Variants in ADGRB1 observed in about 807,000 individuals in gnomAD.
ADGRB1 encodes the protein brain-specific angiogenesis inhibitor 1.
In ADGRB1, 36 loss-of-function variants were observed where a neutral mutation model predicts 175.7. That is an observed-to-expected ratio of 0.20 (90% confidence interval 0.16 to 0.27). The LOEUF is 0.27. Ranked by LOEUF, ADGRB1 falls within the 10% of genes least tolerant of loss-of-function variation. The pLI is 1.00. For synonymous variants in ADGRB1, 1,054 were observed against 979.4 expected (o/e 1.08, Z -1.42); for missense variants, 1,731 against 2,255.3 (o/e 0.77, Z 4.71).
At chr8:142,462,858 C>T (rs1364592661) in intron 1 of ADGRB1, among the ~76,000 whole-genome samples, 2 of 152,318 alleles carry the variant, frequency 1.3e-5, no homozygotes, top group African/African-American at 2.4e-5. Context: ...GCAGAAGGAA[C>T]TTGCCAAGGT....
At chr8:142,544,186 C>G in intron 30 of ADGRB1, 34 bp from the exon 31 acceptor site, 1 of 1,545,042 alleles carries the variant, frequency 6.5e-7, no homozygotes, top group East Asian at 2.4e-5. Flanking sequence ...TCCCTCCGGG[C>G]CCCACCCCTC....
At chr8:142,488,544 G>A (rs779575226) in intron 14 of ADGRB1, 37 bp downstream of exon 14, 3 of 1,603,702 alleles carry the variant, frequency 1.9e-6, no homozygotes, top group Non-Finnish European at 2.6e-6. Context: ...ACCTTCATGG[G>A]GGACGTGGGC....
At chr8:142,502,402 GT>G (rs1842639217) in intron 17 of ADGRB1, among the ~76,000 whole-genome samples, 2 of 137,882 alleles carry the variant, frequency 1.5e-5, no homozygotes, top group Non-Finnish European at 1.6e-5. Context: ...GGTGGTGATG[GT>G]GGTGGTGGTG....
Position 142,516,770 on chromosome 8 carries a change from G to A in ADGRB1, c.2818-1368G>A, listed in dbSNP as rs181532960. 2.4e-3 allele frequency among the ~76,000 whole-genome samples: 361 copies of A among 152,174 alleles called. 3 individuals are homozygous for A. Among genetic ancestry groups the A allele is most frequent in the African/African-American group, 8.2e-3 (339 of 41,494 alleles). On this transcript the variant is annotated intron_variant, in intron 18 of 30. Transcript: ENST00000517894. ...AGGTGCGTGTGTCTGTGCATGTCAG[G>A]CGTGTGGCCTGCACCACCCCGAGGA...
chr8:142,518,773 C>T (rs1018543320), intron 19 of ADGRB1, among the ~76,000 whole-genome samples: 1 of 152,320 alleles, frequency 6.6e-6, no homozygotes, highest in African/African-American at 2.4e-5. Flanking sequence ...AGTGTGTGGA[C>T]GCGCCTCCAG....
intron 13 of ADGRB1, among the ~76,000 whole-genome samples, chr8:142,487,632 G>T (rs1425935092): frequency 6.6e-6 from 1 of 152,158 alleles, no homozygotes; most frequent in African/African-American, 2.4e-5. Flanking sequence ...CAGAACAGTG[G>T]GTCCCTGTCA....
chr8:142,494,881 G>T (rs993284677), intron 17 of ADGRB1, among the ~76,000 whole-genome samples: 1 of 151,654 alleles, frequency 6.6e-6, no homozygotes, highest in Non-Finnish European at 1.5e-5. Context: ...GGAGCAAAGC[G>T]GGGGGTGGGG....
intron 12 of ADGRB1, 43 bp downstream of exon 12, chr8:142,484,088 G>A (rs771220003): frequency 2.2e-5 from 35 of 1,561,208 alleles, no homozygotes; most frequent in East Asian, 6.8e-5. Flanking sequence ...CAGGAGGGGT[G>A]CAGGCACAGC....
Position 142,522,650 on chromosome 8 carries a change from C to A in ADGRB1, c.3185C>A (p.Ala1062Glu). Residue 1062 changes from alanine to glutamate, a missense_variant, in exon 22 of 31, where the codon GCA becomes GAA. Around this residue, in one of 8 missense-constraint regions of ADGRB1, gnomAD observed 301 missense variants for 488.4 expected, o/e 0.62. Coordinates refer to ENST00000517894, the MANE Select transcript of ADGRB1 (RefSeq NM_001702.3). ...RFLCLGWGLP[A>E]LVVAISVGFT... ...TCTGCTCCTTCTCCAGGGCTCCCTGCACTGGTTGTGGCCATTTCTGTGGGA... is the reference window on the plus strand; with the variant it reads ...TCTGCTCCTTCTCCAGGGCTCCCTGAACTGGTTGTGGCCATTTCTGTGGGA... The A allele has an allele frequency of 6.4e-7, 1 of 1,561,514 alleles. No homozygotes were observed. Among genetic ancestry groups the A allele is most frequent in the East Asian group, 2.4e-5 (1 of 42,534 alleles).
intron 24 of ADGRB1, among the ~76,000 whole-genome samples, chr8:142,531,429 G>A (rs551558694): frequency 1.3e-5 from 2 of 152,324 alleles, no homozygotes; most frequent in African/African-American, 2.4e-5. Context: ...AGGCCTCTCC[G>A]GACGCCTGAG....
At chr8:142,491,512 G>A (rs1304496305) in intron 17 of ADGRB1, among the ~76,000 whole-genome samples, 1 of 152,228 alleles carries the variant, frequency 6.6e-6, no homozygotes, top group Non-Finnish European at 1.5e-5. Flanking sequence ...TCTGTGTAAA[G>A]GCCCAAAGTG....
rs1187431914 is a variant in ADGRB1, at chr8:142,474,418, A to T, written c.785-1056A>T. Reference sequence around the variant, plus strand: ...TTGGCAAGGGCTGCATGCCCTTTCCAAGTCGCCCGACCCTGCTGCACAGGG... The same window carrying T: ...TTGGCAAGGGCTGCATGCCCTTTCCTAGTCGCCCGACCCTGCTGCACAGGG... On this transcript the variant is annotated intron_variant, in intron 2 of 30. Coordinates refer to ENST00000517894, the MANE Select transcript of ADGRB1 (RefSeq NM_001702.3). The surrounding 1 kb of genome is among the most constrained non-coding windows in gnomAD (Gnocchi z 5.8). Among the ~76,000 whole-genome samples, 1 of 152,088 alleles carries T rather than the reference A, an allele frequency of 6.6e-6. No individual in the cohort carries two copies. The highest frequency in any genetic ancestry group is 1.5e-5 in the Non-Finnish European group (1 of 67,964).
chr8:142,544,849 T>G lies in ADGRB1; in HGVS notation c.*432T>G. ...CGGGAAGCAGCCAGCTCCCCACACC[T>G]TCCAGGGCCCTAGGCCCCTCCTAGA... On this transcript the variant is annotated 3_prime_UTR_variant, in exon 31 of 31. Transcript: ENST00000517894. 1 of 154,686 alleles carries G rather than the reference T, an allele frequency of 6.5e-6. No homozygotes were observed. The highest frequency in any genetic ancestry group is 1.4e-5 in the Non-Finnish European group (1 of 69,618). The allele number at this position is 154,686 out of a possible 1,614,324, so 9.6% of individuals were successfully genotyped here.
chr8:142,496,559 G>C (rs1174872335), intron 17 of ADGRB1, among the ~76,000 whole-genome samples: 1 of 152,190 alleles, frequency 6.6e-6, no homozygotes, highest in Admixed American at 6.5e-5. Context: ...AGCTCCCTGG[G>C]TGTTTTACAC....
chr8:142,511,130 T>A lies in ADGRB1; in HGVS notation c.2817+57T>A. 6 of 1,043,856 alleles carry A rather than the reference T, an allele frequency of 5.7e-6. No individual in the cohort carries two copies. Among genetic ancestry groups the A allele is most frequent in the Non-Finnish European group, 5.8e-6 (5 of 867,548 alleles). The allele number at this position is 1,043,856 out of a possible 1,614,324, so 64.7% of individuals were successfully genotyped here. ...GCCGGGCAGGGGCGCGGGCGGGGGC[T>A]GCCGGCGGGCCTGCGGGTGGGGAGG... On this transcript the variant is annotated intron_variant, in intron 18 of 30. Coordinates refer to ENST00000517894, the MANE Select transcript of ADGRB1 (RefSeq NM_001702.3). This position sits in a 1 kb window ranked among gnomAD's most constrained non-coding sequence, Gnocchi z 4.5.
Position 142,544,628 on chromosome 8 carries a change from G to A in ADGRB1, c.*211G>A, listed in dbSNP as rs550919364. ...AGGCGGCCCGGCCAGCGGGCACAGG[G>A]CACCAGAGGCCGAAGGTGCCTCAGA... is the stretch of plus-strand genomic sequence containing the variant. On this transcript the variant is annotated 3_prime_UTR_variant, in exon 31 of 31. Coordinates refer to ENST00000517894, the MANE Select transcript of ADGRB1 (RefSeq NM_001702.3). 2.4e-5 allele frequency: 12 copies of A among 494,882 alleles called. No individual in the cohort carries two copies. Among genetic ancestry groups the A allele is most frequent in the Non-Finnish European group, 3.3e-5 (10 of 307,086 alleles). The allele number at this position is 494,882 out of a possible 1,614,324, so 30.7% of individuals were successfully genotyped here. A position where few individuals can be genotyped will look rare whatever the true frequency, so the allele number is the denominator to read the frequency against.
At position 142,455,473 on chromosome 8, in the gene ADGRB1, TG is replaced by T. The variant is rs1288104453; in HGVS notation, c.-220+5370del. On this transcript the variant is annotated intron_variant, in intron 1 of 30. Transcript: ENST00000517894. This position sits in a 1 kb window ranked among gnomAD's most constrained non-coding sequence, Gnocchi z 4.9. ...CTTCGCTGTCAGGCCCCCAACCACT[TG>T]CCTTCCTGGGAGAGGAGCATGCGGC... 6.6e-6 allele frequency among the ~76,000 whole-genome samples: 1 copy of T among 152,172 alleles called. No homozygotes were observed. Among genetic ancestry groups the T allele is most frequent in the African/African-American group, 2.4e-5 (1 of 41,450 alleles).
Position 142,464,085 on chromosome 8 carries a change from C to CCCCAACCA in ADGRB1, c.-114_-113insCCCAACCA. 2.6e-6 allele frequency: 2 copies of CCCCAACCA among 769,410 alleles called. No individual in the cohort carries two copies. Among genetic ancestry groups the CCCCAACCA allele is most frequent in the Non-Finnish European group, 3.4e-6 (2 of 590,926 alleles). 47.7% of individuals were successfully genotyped at this position (769,410 alleles called of 1,614,324 possible). ...GCCCTCTCCCATCCCACCCTTGCCC[C>CCCCAACCA]GCCTCCCTGCCCCCACCGGGCCGGC... On this transcript the variant is annotated 5_prime_UTR_variant, in exon 2 of 31. Transcript: ENST00000517894.
intron 2 of ADGRB1, 110 bp downstream of exon 2, chr8:142,465,092 C>T (rs1159970844): frequency 4.7e-5 from 8 of 168,784 alleles, no homozygotes; most frequent in South Asian, 7.6e-5. Flanking sequence ...AGGAGGTGGG[C>T]GGGCAGGCGG....
Sources: allele counts gnomAD v4.1 joint callset (sites outside exome capture counted in the v4.1 genomes callset), GRCh38; gene constraint gnomAD v4.1.1; regional missense constraint gnomAD v4.1.1; non-coding constraint Gnocchi (gnomAD v3.1); transcripts MANE v1.5; gene names NCBI Gene and HGNC (gene_info 2026-07-23, HGNC 2026-07-21).